The following FAM135B variants were observed in gnomAD, a reference collection of about 807,000 sequenced individuals.
FAM135B encodes the protein protein FAM135B.
In FAM135B, 43 loss-of-function variants were observed where a neutral mutation model predicts 127.7. The observed-to-expected ratio is 0.34, with a 90% CI of 0.26 to 0.43. The LOEUF is 0.43. FAM135B is among the 20% of genes least tolerant of loss of function. The probability of loss-of-function intolerance (pLI) is 1.00; values close to 1 mark genes in which losing one functional copy is unlikely to be tolerated. For synonymous variants in FAM135B, 670 were observed against 665.1 expected (o/e 1.01, Z -0.11); for missense variants, 1,558 against 1,725.6 (o/e 0.90, Z 1.72).
In FAM135B at chr8:138,411,308, C is replaced by A. The variant is rs1289444457; in HGVS notation, c.-19-43306G>T. Among the ~76,000 whole-genome samples the A allele has an allele frequency of 2.0e-5, 3 of 152,110 alleles. No individual in the cohort carries two copies. The East Asian group carries it at 5.8e-4, about 29-fold the overall frequency. Reference sequence around the variant, plus strand: ...GAAACAGAGATATAGATCAATGGAACAGAACAGAGCCCTCAGAAATAATGC... The same window carrying A: ...GAAACAGAGATATAGATCAATGGAAAAGAACAGAGCCCTCAGAAATAATGC... On this transcript the variant is annotated intron_variant, in intron 1 of 19. Coordinates refer to ENST00000395297, the MANE Select transcript of FAM135B (RefSeq NM_015912.4).
intron 3 of FAM135B, among the ~76,000 whole-genome samples, chr8:138,274,286 T>A (rs1313114605): frequency 1.3e-5 from 2 of 152,180 alleles, no homozygotes; most frequent in African/African-American, 4.8e-5. Context: ...GCTGGGCATC[T>A]GGGGGAGACA....
At chr8:138,355,631 T>C (rs770861283) in intron 2 of FAM135B, among the ~76,000 whole-genome samples, 23 of 152,130 alleles carry the variant, frequency 1.5e-4, no homozygotes, top group Non-Finnish European at 2.5e-4. Context: ...AGGATTCAGT[T>C]CTCAAAACCC....
chr8:138,292,370 G>A (rs1286792098), intron 3 of FAM135B, among the ~76,000 whole-genome samples: 1 of 151,982 alleles, frequency 6.6e-6, no homozygotes, highest in Non-Finnish European at 1.5e-5. Context: ...TTTGATGTAA[G>A]CCCTTACAAA....
Position 138,477,834 on chromosome 8 carries a change from T to G in FAM135B, c.-20+18837A>C, listed in dbSNP as rs560930855. Among the ~76,000 whole-genome samples, 70 of 152,326 alleles carry G rather than the reference T, an allele frequency of 4.6e-4. No individual in the cohort carries two copies. The South Asian group carries it at 0.014, about 31-fold the overall frequency. The stretch of plus-strand genomic sequence containing the variant: ...AATAAACTTTGCTGCCATATGCTTT[T>G]GCCCTTCACCCTTCCTGCTTCCTAT... On this transcript the variant is annotated intron_variant, in intron 1 of 19. Transcript: ENST00000395297.
In FAM135B at chr8:138,171,136, G is replaced by T. The variant is rs183500150; in HGVS notation, c.1104-3087C>A. On this transcript the variant is annotated intron_variant, in intron 11 of 19. Coordinates refer to ENST00000395297, the MANE Select transcript of FAM135B (RefSeq NM_015912.4). ...AGAAGGCCCATCATGGGACTTCTTG[G>T]TCTCCACAATAAACTGAGCCAATTG... Among the ~76,000 whole-genome samples the T allele has an allele frequency of 1.8e-3, 281 of 152,182 alleles. 2 individuals are homozygous for T. Among genetic ancestry groups the T allele is most frequent in the Non-Finnish European group, 3.4e-3 (229 of 68,026 alleles).
At chr8:138,435,822 G>T (rs1300947816) in intron 1 of FAM135B, among the ~76,000 whole-genome samples, 1 of 152,138 alleles carries the variant, frequency 6.6e-6, no homozygotes, top group Admixed American at 6.5e-5. Context: ...TGTTTAAGGG[G>T]TGACTTAAGC....
chr8:138,352,369 C>A (rs1319132334), intron 2 of FAM135B, among the ~76,000 whole-genome samples: 1 of 152,132 alleles, frequency 6.6e-6, no homozygotes, highest in Non-Finnish European at 1.5e-5. Context: ...AGGTGTACCC[C>A]ATAGATGTGT....
At chr8:138,255,700 A>T (rs559285766) in intron 5 of FAM135B, among the ~76,000 whole-genome samples, 1 of 152,318 alleles carries the variant, frequency 6.6e-6, no homozygotes, top group South Asian at 2.1e-4. Context: ...GTGAGGCATC[A>T]CTACATCAGA....
intron 3 of FAM135B, among the ~76,000 whole-genome samples, chr8:138,292,062 T>A (rs1436568150): frequency 6.6e-6 from 1 of 152,046 alleles, no homozygotes; most frequent in South Asian, 2.1e-4. Context: ...AATAAAAAAA[T>A]TTAGTAAAGA....
At chr8:138,330,908 T>G (rs537225019) in intron 2 of FAM135B, among the ~76,000 whole-genome samples, 59 of 152,032 alleles carry the variant, frequency 3.9e-4, no homozygotes, top group South Asian at 1.0e-3. Context: ...AGTGGCATGA[T>G]CTCAGCTCAC....
At chr8:138,317,034 C>T (rs945091645) in intron 2 of FAM135B, among the ~76,000 whole-genome samples, 5 of 150,822 alleles carry the variant, frequency 3.3e-5, no homozygotes, top group African/African-American at 7.3e-5. Flanking sequence ...AATTGCCCTC[C>T]TAGGCATTTC....
chr8:138,252,012 G>A (rs765278720), intron 5 of FAM135B, among the ~76,000 whole-genome samples: 5 of 152,170 alleles, frequency 3.3e-5, no homozygotes, highest in Admixed American at 1.3e-4. Flanking sequence ...TTCCTTGTGC[G>A]CAAACAAAGG....
intron 1 of FAM135B, among the ~76,000 whole-genome samples, chr8:138,389,209 T>A (rs1832395165): frequency 6.6e-6 from 1 of 152,198 alleles, no homozygotes; most frequent in Non-Finnish European, 1.5e-5. Flanking sequence ...GGTGGGAATA[T>A]GGAATGATGC....
chr8:138,317,949 T>C (rs373054890), intron 2 of FAM135B, among the ~76,000 whole-genome samples: 21 of 152,228 alleles, frequency 1.4e-4, no homozygotes, highest in African/African-American at 3.6e-4. Flanking sequence ...CGCAGAAACA[T>C]TGACTGCGTG....
At chr8:138,315,621 A>C (rs1827028886) in intron 2 of FAM135B, among the ~76,000 whole-genome samples, 1 of 150,320 alleles carries the variant, frequency 6.7e-6, no homozygotes, top group Admixed American at 6.6e-5. Context: ...ATATCAATGT[A>C]CACACACACA....
intron 12 of FAM135B, among the ~76,000 whole-genome samples, chr8:138,164,330 T>C (rs1050131914): frequency 6.6e-6 from 1 of 152,152 alleles, no homozygotes; most frequent in African/African-American, 2.4e-5. Flanking sequence ...GACCCGCCTC[T>C]GAGAGTGACT....
chr8:138,148,803 G>A, intron 13 of FAM135B, 117 bp from the exon 14 acceptor site: 1 of 671,470 alleles, frequency 1.5e-6, no homozygotes, highest in East Asian at 2.8e-5. Flanking sequence ...CTGCTGAGTG[G>A]CAAAGCTGAC....
chr8:138,461,875 C>T (rs1301731744), intron 1 of FAM135B, among the ~76,000 whole-genome samples: 3 of 152,114 alleles, frequency 2.0e-5, no homozygotes, highest in Admixed American at 6.5e-5. Flanking sequence ...GTTCAACCCA[C>T]GAGGGTGGGA....
intron 3 of FAM135B, among the ~76,000 whole-genome samples, chr8:138,279,200 T>C (rs930953099): frequency 1.3e-5 from 2 of 152,186 alleles, no homozygotes; most frequent in Non-Finnish European, 2.9e-5. Flanking sequence ...ACAGGCAGAG[T>C]AATTGCTCCC....
Sources: allele counts gnomAD v4.1 joint callset (sites outside exome capture counted in the v4.1 genomes callset), GRCh38; gene constraint gnomAD v4.1.1; transcripts MANE v1.5; gene names NCBI Gene and HGNC (gene_info 2026-07-23, HGNC 2026-07-21).